PARP8: variants seen among roughly 807,000 people sequenced by gnomAD.
PARP8 encodes protein mono-ADP-ribosyltransferase PARP8.
Under a neutral mutation model 124.1 loss-of-function variants are expected in PARP8, and 51 were observed. The ratio of observed to expected loss-of-function variants is 0.41; its 90% CI spans 0.33 to 0.52. PARP8 has a LOEUF of 0.52. PARP8 is among the 20% of genes least tolerant of loss of function. PARP8 has a pLI of 0.21. For missense variants in PARP8, 860 were observed against 1,018.9 expected (o/e 0.84, Z 2.12); for synonymous variants, 391 against 361.5 (o/e 1.08, Z -0.93).
At chr5:50,744,477 CTT>C (rs1758346037) in intron 2 of PARP8, among the ~76,000 whole-genome samples, 1 of 152,160 alleles carries the variant, frequency 6.6e-6, no homozygotes, top group Non-Finnish European at 1.5e-5. Flanking sequence ...TGGGAGATGT[CTT>C]TGGTTGGGCC....
chr5:50,762,147 G>T (rs1760608871), intron 6 of PARP8, among the ~76,000 whole-genome samples: 1 of 152,068 alleles, frequency 6.6e-6, no homozygotes, highest in Non-Finnish European at 1.5e-5. Context: ...CAGCGATTTT[G>T]CAGATAGTAT....
intron 25 of PARP8, among the ~76,000 whole-genome samples, chr5:50,837,926 A>G (rs1580519719): frequency 6.6e-6 from 1 of 152,162 alleles, no homozygotes; most frequent in Non-Finnish European, 1.5e-5. Flanking sequence ...ATCCAAGCCA[A>G]TTCCTAGTTT....
chr5:50,838,223 C>G (rs969671135), intron 25 of PARP8, among the ~76,000 whole-genome samples: 2 of 152,046 alleles, frequency 1.3e-5, no homozygotes, highest in Non-Finnish European at 2.9e-5. Flanking sequence ...CAAAGAGACT[C>G]GAAACCTGAG....
intron 25 of PARP8, among the ~76,000 whole-genome samples, chr5:50,838,473 A>T (rs571906283): frequency 5.3e-5 from 8 of 152,180 alleles, no homozygotes; most frequent in African/African-American, 1.9e-4. Context: ...TACCTCTTTA[A>T]TATTCAGAAA....
In PARP8 at chr5:50,797,188, G is replaced by A. The variant is rs760414112; in HGVS notation, c.1530G>A (p.Val510=). The change falls in exon 14 of 26, where the codon GTG becomes GTA. Residue 510 remains valine, a synonymous_variant. Transcript: ENST00000281631. ...TCCCTGTATTAAATGAATATTGTGT[G>A]GTTTGTGATGAGCCACATGTGTTTC... is the stretch of plus-strand genomic sequence containing the variant. ...QRIPVLNEYC[V]VCDEPHVFQN... The A allele has an allele frequency of 1.2e-6, 2 of 1,612,700 alleles. No individual in the cohort carries two copies. Among genetic ancestry groups the A allele is most frequent in the African/African-American group, 2.7e-5 (2 of 75,004 alleles).
intron 2 of PARP8, among the ~76,000 whole-genome samples, chr5:50,671,645 A>G (rs552362779): frequency 6.6e-6 from 1 of 152,282 alleles, no homozygotes; most frequent in South Asian, 2.1e-4. Flanking sequence ...TATAAAATAT[A>G]TATGCATCCC....
intron 14 of PARP8, among the ~76,000 whole-genome samples, chr5:50,809,185 A>G (rs1044396419): frequency 1.3e-5 from 2 of 152,046 alleles, no homozygotes; most frequent in Non-Finnish European, 2.9e-5. Flanking sequence ...TCTCTCTCTC[A>G]ATGAACGGTA....
In PARP8 at chr5:50,832,738, A is replaced by T. The variant is rs772548955; in HGVS notation, c.2234-43A>T. The T allele has an allele frequency of 1.4e-5, 23 of 1,593,568 alleles. No homozygotes were observed. Among genetic ancestry groups the T allele is most frequent in the Non-Finnish European group, 1.5e-5 (18 of 1,161,816 alleles). ...GGTCGATTGTACTTTCAGCTGCATC[A>T]GACAGCTTTGTCCCTAAATTATTAT... On this transcript the variant is annotated intron_variant, in intron 22 of 25. Transcript: ENST00000281631.
intron 22 of PARP8, among the ~76,000 whole-genome samples, chr5:50,830,474 G>C (rs1244918930): frequency 6.6e-6 from 1 of 152,168 alleles, no homozygotes; most frequent in Non-Finnish European, 1.5e-5. Flanking sequence ...CTTGTGCTGT[G>C]CAGGAGCCTG....
chr5:50,692,638 G>T (rs1579976935), intron 2 of PARP8, among the ~76,000 whole-genome samples: 2 of 152,044 alleles, frequency 1.3e-5, no homozygotes, highest in African/African-American at 4.8e-5. Context: ...CTACCTGTGA[G>T]AATTCTCTTT....
At chr5:50,752,142 A>C (rs1759328311) in intron 3 of PARP8, among the ~76,000 whole-genome samples, 1 of 151,790 alleles carries the variant, frequency 6.6e-6, no homozygotes, top group Non-Finnish European at 1.5e-5. Flanking sequence ...ATGAATATTA[A>C]ATCTTTATCA....
Position 50,806,294 on chromosome 5 carries a change from C to T in PARP8, c.1575+9061C>T, listed in dbSNP as rs533436325. On this transcript the variant is annotated intron_variant, in intron 14 of 25. Transcript: ENST00000281631. ...ACCAGGCAGAGGTTCCTACTCTTGA[C>T]TTGTGGACTTGAATTGACTACATTT... Among the ~76,000 whole-genome samples, 21 of 152,128 alleles carry T rather than the reference C, an allele frequency of 1.4e-4. No homozygotes were observed. In the South Asian group the frequency reaches 2.1e-3, roughly 15 times the overall value.
At chr5:50,675,531 T>G (rs1436370642) in intron 2 of PARP8, among the ~76,000 whole-genome samples, 1 of 152,224 alleles carries the variant, frequency 6.6e-6, no homozygotes, top group Non-Finnish European at 1.5e-5. Flanking sequence ...GGTCTCGAAC[T>G]CAGGTGACCT....
At chr5:50,840,303 A>C (rs985654185) in intron 25 of PARP8, among the ~76,000 whole-genome samples, 1 of 151,916 alleles carries the variant, frequency 6.6e-6, no homozygotes, top group African/African-American at 2.4e-5. Context: ...CACAATCTGC[A>C]ACTTGAAAAC....
chr5:50,747,141 G>GTTTTTT (rs201585071), intron 2 of PARP8, among the ~76,000 whole-genome samples: 3 of 80,872 alleles, frequency 3.7e-5, no homozygotes, highest in African/African-American at 1.4e-4. Flanking sequence ...TTCAGTTATG[G>GTTTTTT]TTTTTTTTGT....
At chr5:50,708,710 C>T (rs1215965473) in intron 2 of PARP8, among the ~76,000 whole-genome samples, 3 of 148,602 alleles carry the variant, frequency 2.0e-5, no homozygotes, top group Non-Finnish European at 4.4e-5. Flanking sequence ...TAAAAAATAC[C>T]TATCAGGCTT....
At chr5:50,689,753 C>T (rs1176917152) in intron 2 of PARP8, among the ~76,000 whole-genome samples, 2 of 152,168 alleles carry the variant, frequency 1.3e-5, no homozygotes, top group Non-Finnish European at 2.9e-5. Flanking sequence ...ATTTTCTTGT[C>T]TTCCTCCTCA....
rs151232173 is a variant in PARP8 at position 50,794,662 on chromosome 5, C to G, written c.864-191C>G. On this transcript the variant is annotated intron_variant, in intron 11 of 25. Transcript: ENST00000281631. The stretch of plus-strand genomic sequence containing the variant: ...ATCTTAGAACCTTTTTTTTGCTTTT[C>G]AGGAAAAATGGGATTCAAGTCCTGT... Among the ~76,000 whole-genome samples, 1,246 of 151,272 alleles carry G rather than the reference C, an allele frequency of 8.2e-3. 6 individuals are homozygous for G. The highest frequency in any genetic ancestry group is 0.017 in the Middle Eastern group (5 of 294).
At chr5:50,701,697 T>C (rs1753611845) in intron 2 of PARP8, among the ~76,000 whole-genome samples, 1 of 152,128 alleles carries the variant, frequency 6.6e-6, no homozygotes, top group Non-Finnish European at 1.5e-5. Flanking sequence ...GATTAATATA[T>C]CCAAAATAAA....
Sources: allele counts gnomAD v4.1 joint callset (sites outside exome capture counted in the v4.1 genomes callset), GRCh38; gene constraint gnomAD v4.1.1; transcripts MANE v1.5; gene names NCBI Gene and HGNC (gene_info 2026-07-23, HGNC 2026-07-21).